The following GBE1 variants were observed in gnomAD, a reference collection of about 807,000 sequenced individuals.
The protein encoded by GBE1 is 1,4-alpha-glucan-branching enzyme.
Under a neutral mutation model 88.8 loss-of-function variants are expected in GBE1, and 70 were observed. The ratio of observed to expected loss-of-function variants is 0.79; its 90% CI spans 0.65 to 0.96. The LOEUF is 0.96. GBE1 is among the 40% of genes least tolerant of loss of function. The pLI, the probability that GBE1 is intolerant of heterozygous loss-of-function variation, is 0.00. For synonymous variants in GBE1, 284 were observed against 300.1 expected (o/e 0.95, Z 0.56); for missense variants, 872 against 871.0 (o/e 1.00, Z -0.01).
At chr3:81,634,640 G>C (rs776365102) in intron 7 of GBE1, among the ~76,000 whole-genome samples, 3 of 152,084 alleles carry the variant, frequency 2.0e-5, no homozygotes, top group Non-Finnish European at 4.4e-5. Context: ...GAGAGATCAA[G>C]AGACAGGGGG....
chr3:81,733,147 G>A lies in GBE1; in HGVS notation c.144-27534C>T, dbSNP rs756455950. ...GAGCTCCACCTCCTGTCAGATCAGCGGTGGCATTAGATTCCCATAGCAGAA... is the reference window on the plus strand; with the variant it reads ...GAGCTCCACCTCCTGTCAGATCAGCAGTGGCATTAGATTCCCATAGCAGAA... On this transcript the variant is annotated intron_variant, in intron 1 of 15. Transcript: ENST00000429644. The surrounding 1 kb of genome is among the most constrained non-coding windows in gnomAD (Gnocchi z 4.0). Among the ~76,000 whole-genome samples, 11 of 152,036 alleles carry A rather than the reference G, an allele frequency of 7.2e-5. No homozygotes were observed. Among genetic ancestry groups the A allele is most frequent in the Admixed American group, 2.6e-4 (4 of 15,260 alleles).
At chr3:81,598,069 A>G (rs1576164217) in intron 7 of GBE1, among the ~76,000 whole-genome samples, 2 of 152,090 alleles carry the variant, frequency 1.3e-5, no homozygotes, top group East Asian at 3.9e-4. Flanking sequence ...ATGACATTAC[A>G]TTTTGTAATC....
intron 14 of GBE1, among the ~76,000 whole-genome samples, chr3:81,513,310 T>C (rs1702749344): frequency 6.6e-6 from 1 of 151,646 alleles, no homozygotes. Flanking sequence ...GGGCAAATAG[T>C]ACAAGAGTGA....
At chr3:81,743,241 C>A (rs747084492) in intron 1 of GBE1, among the ~76,000 whole-genome samples, 2 of 152,048 alleles carry the variant, frequency 1.3e-5, no homozygotes, top group African/African-American at 4.8e-5. Context: ...TGACTGATTG[C>A]TCATGAAGGC....
At chr3:81,491,989 T>C (rs545321976) in intron 15 of GBE1, among the ~76,000 whole-genome samples, 1 of 152,346 alleles carries the variant, frequency 6.6e-6, no homozygotes, top group African/African-American at 2.4e-5. Flanking sequence ...GCACTTATAT[T>C]CTGGATTTAA....
At chr3:81,614,767 G>A (rs1253710655) in intron 7 of GBE1, among the ~76,000 whole-genome samples, 2 of 152,188 alleles carry the variant, frequency 1.3e-5, no homozygotes, top group East Asian at 1.9e-4. Flanking sequence ...GCTGAGGCAG[G>A]AGAATCGCTT....
chr3:81,515,864 C>T (rs1702792279), intron 14 of GBE1, among the ~76,000 whole-genome samples: 1 of 151,686 alleles, frequency 6.6e-6, no homozygotes, highest in South Asian at 2.1e-4. Context: ...AAGTCAAAGC[C>T]TAATCCAGCA....
chr3:81,582,682 C>T (rs1159724691), intron 10 of GBE1, among the ~76,000 whole-genome samples: 1 of 152,044 alleles, frequency 6.6e-6, no homozygotes, highest in Non-Finnish European at 1.5e-5. Flanking sequence ...ATTGGATACC[C>T]ATGGGTAAAA....
At chr3:81,492,021 A>C (rs1559622510) in intron 15 of GBE1, among the ~76,000 whole-genome samples, 1 of 152,230 alleles carries the variant, frequency 6.6e-6, no homozygotes, top group Admixed American at 6.5e-5. Context: ...TAGTTTTTCT[A>C]ATCTTCAATT....
chr3:81,512,404 A>G (rs1294803298), intron 14 of GBE1, among the ~76,000 whole-genome samples: 1 of 151,942 alleles, frequency 6.6e-6, no homozygotes, highest in African/African-American at 2.4e-5. Context: ...ATATATACAT[A>G]CAGCTGGAAA....
intron 2 of GBE1, among the ~76,000 whole-genome samples, chr3:81,694,197 T>G (rs1705559891): frequency 2.1e-5 from 3 of 142,402 alleles, no homozygotes; most frequent in East Asian, 4.1e-4. Context: ...AGAAAAGGAG[T>G]GGGAGGTAGA....
intron 12 of GBE1, among the ~76,000 whole-genome samples, chr3:81,553,185 G>A (rs183782670): frequency 6.6e-6 from 1 of 152,214 alleles, no homozygotes; most frequent in East Asian, 1.9e-4. Flanking sequence ...ATTTATTACT[G>A]ACCTCTGCTT....
chr3:81,544,129 T>C (rs1703174914), intron 12 of GBE1, among the ~76,000 whole-genome samples: 1 of 152,054 alleles, frequency 6.6e-6, no homozygotes, highest in Admixed American at 6.6e-5. Flanking sequence ...TGCCAGCAAC[T>C]AGAAGAATGG....
chr3:81,546,913 C>T (rs1011078703), intron 12 of GBE1, among the ~76,000 whole-genome samples: 8 of 151,164 alleles, frequency 5.3e-5, no homozygotes, highest in Admixed American at 1.3e-4. Context: ...GGGTCTGGAT[C>T]AGGACCCCTT....
intron 8 of GBE1, among the ~76,000 whole-genome samples, chr3:81,592,089 A>G (rs773072231): frequency 1.3e-5 from 2 of 152,118 alleles, no homozygotes. Flanking sequence ...TGTACTGATT[A>G]CTATACTCAA....
At chr3:81,490,645 T>G (rs1390751009) in intron 15 of GBE1, among the ~76,000 whole-genome samples, 182 bp from the exon 16 acceptor site, 2 of 152,012 alleles carry the variant, frequency 1.3e-5, no homozygotes, top group African/African-American at 4.8e-5. Flanking sequence ...GCAACATGAC[T>G]ACCATAAAGC....
At chr3:81,571,223 A>T (rs1703570115) in intron 12 of GBE1, among the ~76,000 whole-genome samples, 1 of 152,198 alleles carries the variant, frequency 6.6e-6, no homozygotes, top group South Asian at 2.1e-4. Context: ...TCCTTTTATT[A>T]CTTTTCTCCG....
intron 6 of GBE1, 22 bp downstream of exon 6, chr3:81,646,370 C>T (rs1704763219): frequency 1.4e-6 from 2 of 1,426,968 alleles, no homozygotes; most frequent in East Asian, 2.3e-5. Context: ...TAAAAATGAA[C>T]ACAATGAGTC....
chr3:81,522,032 T>A (rs1702880833), intron 14 of GBE1, among the ~76,000 whole-genome samples: 1 of 151,440 alleles, frequency 6.6e-6, no homozygotes, highest in African/African-American at 2.4e-5. Context: ...TACTCTGCTG[T>A]TAGTGTAGGA....
Sources: allele counts gnomAD v4.1 joint callset (sites outside exome capture counted in the v4.1 genomes callset), GRCh38; gene constraint gnomAD v4.1.1; non-coding constraint Gnocchi (gnomAD v3.1); transcripts MANE v1.5; gene names NCBI Gene and HGNC (gene_info 2026-07-23, HGNC 2026-07-21).